NRXN3: variants seen among roughly 807,000 people sequenced by gnomAD.
NRXN3 encodes neurexin 3, also known as neurexin III.
A neutral mutation model predicts 137.6 loss-of-function variants in NRXN3; 32 were observed. That is an observed-to-expected ratio of 0.23 (90% CI 0.18 to 0.31). The LOEUF (loss-of-function observed/expected upper bound fraction) is 0.31. Among genes scored for constraint, NRXN3 ranks in the 10% least tolerant of loss-of-function variants. The pLI is 1.00. For synonymous variants in NRXN3, 798 were observed against 784.5 expected, an observed-to-expected ratio of 1.02 and a Z score of -0.29; for missense variants, 1,574 against 2,062.5, an observed-to-expected ratio of 0.76 and a Z score of 4.59.
intron 15 of NRXN3, among the ~76,000 whole-genome samples, chr14:79,327,015 A>G (rs1179119540): frequency 6.6e-6 from 1 of 152,214 alleles, no homozygotes; most frequent in Non-Finnish European, 1.5e-5. Flanking sequence ...GAGATGGAGA[A>G]TTAGAAGCAA....
At chr14:79,128,603 A>T (rs1047767365) in intron 15 of NRXN3, among the ~76,000 whole-genome samples, 2 of 152,044 alleles carry the variant, frequency 1.3e-5, no homozygotes, top group Non-Finnish European at 2.9e-5. Flanking sequence ...GGATTTTTGC[A>T]TCAATGTTCA....
intron 15 of NRXN3, among the ~76,000 whole-genome samples, chr14:79,254,626 T>C (rs957514069): frequency 6.6e-6 from 1 of 152,192 alleles, no homozygotes; most frequent in Non-Finnish European, 1.5e-5. Flanking sequence ...ACTGTTGGAC[T>C]CTTCTCTGGG....
In NRXN3 at chr14:78,914,529, T is replaced by C. The variant is rs560962572; in HGVS notation, c.2276-42713T>C. On this transcript the variant is annotated intron_variant, in intron 10 of 20. Coordinates refer to ENST00000335750, the MANE Select transcript of NRXN3 (RefSeq NM_001330195.2). The stretch of plus-strand genomic sequence containing the variant: ...GATTGCCTGAGTGAGAAGGTGGCAT[T>C]TGAGGAAAGATGGGTAGGAATGAGT... Among the ~76,000 whole-genome samples the C allele has an allele frequency of 9.2e-5, 14 of 152,130 alleles. No individual in the cohort carries two copies. The South Asian group carries it at 2.9e-3, about 32-fold the overall frequency.
At chr14:79,150,639 G>A (rs997889103) in intron 15 of NRXN3, among the ~76,000 whole-genome samples, 4 of 151,204 alleles carry the variant, frequency 2.6e-5, no homozygotes, top group African/African-American at 4.9e-5. Flanking sequence ...CCCAGTAGGA[G>A]ATCCACCACA....
chr14:79,234,186 AAG>A (rs2072783592), intron 15 of NRXN3, among the ~76,000 whole-genome samples: 1 of 150,028 alleles, frequency 6.7e-6, no homozygotes, highest in Admixed American at 6.7e-5. Context: ...AGGTCTCACT[AAG>A]AGAAAAATAT....
intron 4 of NRXN3, among the ~76,000 whole-genome samples, chr14:78,623,867 C>T (rs991839643): frequency 2.0e-5 from 3 of 152,142 alleles, no homozygotes; most frequent in Admixed American, 6.5e-5. Context: ...CCATGGCACC[C>T]GGGCTGATGC....
chr14:78,626,947 C>G (rs2097465705), intron 4 of NRXN3, among the ~76,000 whole-genome samples: 1 of 152,196 alleles, frequency 6.6e-6, no homozygotes, highest in Non-Finnish European at 1.5e-5. Flanking sequence ...CAGCATGGCT[C>G]TCAGATTTAT....
intron 16 of NRXN3, among the ~76,000 whole-genome samples, chr14:79,632,937 G>T (rs1302878268): frequency 6.6e-6 from 1 of 151,956 alleles, no homozygotes. Context: ...CATTAAGTTG[G>T]GTATTTTACA....
At chr14:79,803,899 GTA>G (rs36091682) in intron 19 of NRXN3, among the ~76,000 whole-genome samples, 19,346 of 144,752 alleles carry the variant, frequency 0.13, 1,554 homozygotes, top group Middle Eastern at 0.23. Flanking sequence ...AAGTGTGTGT[GTA>G]TATATATATA....
chr14:78,540,020 C>T (rs1483371610), intron 4 of NRXN3, among the ~76,000 whole-genome samples: 1 of 152,164 alleles, frequency 6.6e-6, no homozygotes, highest in African/African-American at 2.4e-5. Context: ...GAGTGCTTTA[C>T]TCCCAATTAT....
At chr14:78,934,302 C>T (rs553087942) in intron 10 of NRXN3, among the ~76,000 whole-genome samples, 5 of 152,168 alleles carry the variant, frequency 3.3e-5, no homozygotes, top group African/African-American at 7.2e-5. Context: ...TTTGTAAACA[C>T]GAGAGCTTTC....
At chr14:79,192,767 T>A (rs972390630) in intron 15 of NRXN3, among the ~76,000 whole-genome samples, 4 of 79,728 alleles carry the variant, frequency 5.0e-5, no homozygotes, top group African/African-American at 1.7e-4. Flanking sequence ...TTCTCTTAAT[T>A]TTTTTTTTTT....
At chr14:79,523,541 T>C (rs2097090328) in intron 16 of NRXN3, among the ~76,000 whole-genome samples, 1 of 152,064 alleles carries the variant, frequency 6.6e-6, no homozygotes, top group South Asian at 2.1e-4. Context: ...AAGAAAAAAA[T>C]GGCACTCACT....
chr14:79,467,598 T>G (rs577380496), intron 16 of NRXN3, among the ~76,000 whole-genome samples, 196 bp downstream of exon 16: 1 of 152,320 alleles, frequency 6.6e-6, no homozygotes, highest in Middle Eastern at 3.4e-3. Context: ...TTCTTCCCCA[T>G]GTATATAGGG....
intron 1 of NRXN3, among the ~76,000 whole-genome samples, chr14:78,179,561 C>G (rs1421512017): frequency 6.6e-6 from 1 of 152,082 alleles, no homozygotes; most frequent in Non-Finnish European, 1.5e-5. Context: ...CAGTGGCACC[C>G]CAGGAGGGTC....
At chr14:79,445,344 A>AG (rs1017438704) in intron 15 of NRXN3, among the ~76,000 whole-genome samples, 2 of 152,004 alleles carry the variant, frequency 1.3e-5, no homozygotes, top group African/African-American at 4.8e-5. Flanking sequence ...ATCTCAAAAA[A>AG]AAAAAGAAAG....
At chr14:78,482,101 A>G (rs781607719) in intron 4 of NRXN3, among the ~76,000 whole-genome samples, 1 of 152,162 alleles carries the variant, frequency 6.6e-6, no homozygotes, top group Middle Eastern at 3.2e-3. Flanking sequence ...CCAAAGAGCT[A>G]ATTTCATTTC....
intron 16 of NRXN3, among the ~76,000 whole-genome samples, chr14:79,660,193 G>A (rs1353595845): frequency 1.6e-4 from 24 of 152,132 alleles, no homozygotes; most frequent in Admixed American, 1.5e-3. Flanking sequence ...GTGCATGATA[G>A]TTTCAAGCCT....
chr14:78,316,187 AG>A (rs1220222107), intron 4 of NRXN3, among the ~76,000 whole-genome samples: 6 of 151,838 alleles, frequency 4.0e-5, no homozygotes, highest in Middle Eastern at 3.2e-3. Flanking sequence ...TCACAGGTGG[AG>A]GGATTAGGAA....
Sources: allele counts gnomAD v4.1 joint callset (sites outside exome capture counted in the v4.1 genomes callset), GRCh38; gene constraint gnomAD v4.1.1; transcripts MANE v1.5; gene names NCBI Gene and HGNC (gene_info 2026-07-23, HGNC 2026-07-21).